Variants in GPHN observed in about 807,000 individuals in gnomAD.
GPHN encodes the protein gephyrin.
A neutral mutation model predicts 95.5 loss-of-function variants in GPHN; 17 were observed. The ratio of observed to expected loss-of-function variants is 0.18; its 90% CI spans 0.12 to 0.27. The LOEUF (loss-of-function observed/expected upper bound fraction) is 0.27. Among genes scored for constraint, GPHN ranks in the 10% least tolerant of loss-of-function variants. The pLI is 1.00. For missense variants in GPHN, 660 were observed against 978.1 expected, an observed-to-expected ratio of 0.67 and a Z score of 4.34; for synonymous variants, 320 against 322.5, an observed-to-expected ratio of 0.99 and a Z score of 0.08.
chr14:67,330,545 G>A, the GPHN span, among the ~76,000 whole-genome samples: 2 of 145,890 alleles, frequency 1.4e-5, no homozygotes, highest in African/African-American at 5.1e-5. Flanking sequence ...TGCAACCTCT[G>A]CCTCCCGGGT....
intron 2 of GPHN, among the ~76,000 whole-genome samples, chr14:66,697,247 A>G (rs1160334657): frequency 1.3e-5 from 2 of 152,222 alleles, no homozygotes; most frequent in Non-Finnish European, 2.9e-5. Context: ...AATATTGTCA[A>G]TGATGAATTG....
intron 1 of GPHN, among the ~76,000 whole-genome samples, chr14:66,586,457 T>TA (rs1489423762): frequency 2.4e-4 from 37 of 152,306 alleles, no homozygotes; most frequent in African/African-American, 8.4e-4. Context: ...TTTTGCTCGT[T>TA]AGTTGATGCA....
chr14:67,470,214 A>G, the GPHN span: 1 of 152,256 alleles, frequency 6.6e-6, no homozygotes, highest in Non-Finnish European at 1.5e-5. Context: ...GGCCTCCAGG[A>G]GCCCCTGAGA....
the GPHN span, among the ~76,000 whole-genome samples, chr14:67,417,361 C>T: frequency 6.6e-6 from 1 of 152,264 alleles, no homozygotes; most frequent in Non-Finnish European, 1.5e-5. Context: ...TTTTTCATTT[C>T]CACTCGATCC....
chr14:67,037,888 G>A (rs2074503338), intron 10 of GPHN, among the ~76,000 whole-genome samples: 1 of 151,774 alleles, frequency 6.6e-6, no homozygotes, highest in African/African-American at 2.4e-5. Flanking sequence ...ACAGAAAATA[G>A]TATGGCGTTT....
chr14:67,319,119 T>C, the GPHN span, among the ~76,000 whole-genome samples: 1 of 151,864 alleles, frequency 6.6e-6, no homozygotes, highest in Admixed American at 6.5e-5. Context: ...AACTAATACA[T>C]GATTGGTTGA....
intron 1 of GPHN, among the ~76,000 whole-genome samples, chr14:66,545,171 C>T (rs1451698144): frequency 2.6e-5 from 4 of 151,844 alleles, no homozygotes; most frequent in Non-Finnish European, 5.9e-5. Flanking sequence ...AGAGGCGCCC[C>T]CCACCTCCCG....
chr14:67,199,359 C>T, the GPHN span: 1 of 1,613,980 alleles, frequency 6.2e-7, no homozygotes, highest in South Asian at 1.1e-5. Context: ...GATGTAGGGG[C>T]CAACATTTTC....
intron 16 of GPHN, among the ~76,000 whole-genome samples, chr14:67,121,526 T>C (rs1000171779): frequency 6.6e-6 from 1 of 152,202 alleles, no homozygotes; most frequent in Non-Finnish European, 1.5e-5. Flanking sequence ...ACAAAGAATT[T>C]TGTCAACTTG....
At chr14:66,971,071 G>C (rs890495836) in intron 9 of GPHN, among the ~76,000 whole-genome samples, 2 of 152,204 alleles carry the variant, frequency 1.3e-5, no homozygotes, top group African/African-American at 4.8e-5. Flanking sequence ...CATGGTGGCT[G>C]TAATCCCATC....
At chr14:66,538,100 G>A (rs1019324020) in intron 1 of GPHN, among the ~76,000 whole-genome samples, 2 of 152,110 alleles carry the variant, frequency 1.3e-5, no homozygotes, top group African/African-American at 2.4e-5. Flanking sequence ...CCAAAGTGTT[G>A]GGATTACAGG....
At chr14:67,351,434 C>A in the GPHN span, among the ~76,000 whole-genome samples, 1 of 152,128 alleles carries the variant, frequency 6.6e-6, no homozygotes, top group Non-Finnish European at 1.5e-5. Flanking sequence ...CTTTTCTAAG[C>A]CTTATATGTA....
chr14:66,930,295 A>AT (rs2066716559), intron 8 of GPHN, among the ~76,000 whole-genome samples: 1 of 150,858 alleles, frequency 6.6e-6, no homozygotes, highest in African/African-American at 2.4e-5. Flanking sequence ...CTTACTTTAT[A>AT]TTTTTTGTGG....
At chr14:66,798,914 A>G (rs1404802121) in intron 3 of GPHN, among the ~76,000 whole-genome samples, 2 of 151,188 alleles carry the variant, frequency 1.3e-5, no homozygotes, top group Admixed American at 6.6e-5. Flanking sequence ...TAGATTGCTT[A>G]TTTGAAGTTT....
chr14:66,571,163 G>A (rs534798300), intron 1 of GPHN, among the ~76,000 whole-genome samples: 1 of 152,286 alleles, frequency 6.6e-6, no homozygotes, highest in Admixed American at 6.5e-5. Flanking sequence ...AATCATGGCA[G>A]AAGGTAAAGG....
chr14:67,646,801 G>C, the GPHN span: 1 of 1,475,354 alleles, frequency 6.8e-7, no homozygotes, highest in East Asian at 2.3e-5. Flanking sequence ...CTATTTGAAA[G>C]GCTGATGCTT....
At chr14:66,596,789 C>T (rs986702278) in intron 1 of GPHN, among the ~76,000 whole-genome samples, 7 of 152,204 alleles carry the variant, frequency 4.6e-5, no homozygotes, top group Admixed American at 2.0e-4. Flanking sequence ...GCTACAACTG[C>T]GCCCGGGGGG....
At chr14:67,050,864 A>G (rs1323225294) in intron 10 of GPHN, among the ~76,000 whole-genome samples, 1 of 145,832 alleles carries the variant, frequency 6.9e-6, no homozygotes, top group Non-Finnish European at 1.5e-5. Flanking sequence ...CCAACCCAGG[A>G]TCCACACAGG....
the GPHN span, among the ~76,000 whole-genome samples, chr14:67,518,341 T>G: frequency 3.3e-5 from 5 of 152,244 alleles, no homozygotes; most frequent in African/African-American, 1.2e-4. Context: ...TCAGCCTATT[T>G]TTCTCATCTG....
Sources: allele counts gnomAD v4.1 joint callset (sites outside exome capture counted in the v4.1 genomes callset), GRCh38; gene constraint gnomAD v4.1.1; transcripts MANE v1.5; gene names NCBI Gene and HGNC (gene_info 2026-07-23, HGNC 2026-07-21).